Variants in KCNH1 observed in about 807,000 individuals in gnomAD.
The protein encoded by KCNH1 is voltage-gated delayed rectifier potassium channel KCNH1.
In KCNH1, 27 loss-of-function variants were observed where a neutral mutation model predicts 69.2. The ratio of observed to expected loss-of-function variants is 0.39; its 90% CI spans 0.29 to 0.54. KCNH1 has a LOEUF of 0.54. Ranked by LOEUF, KCNH1 falls within the 20% of genes least tolerant of loss-of-function variation. The probability of loss-of-function intolerance (pLI) is 0.68; values close to 1 mark genes in which losing one functional copy is unlikely to be tolerated. For synonymous variants in KCNH1, 456 were observed against 487.7 expected (o/e 0.93, Z 0.86); for missense variants, 798 against 1,261.6 (o/e 0.63, Z 5.57).
chr1:210,840,263 T>C (rs1685376700), intron 7 of KCNH1, among the ~76,000 whole-genome samples: 1 of 152,008 alleles, frequency 6.6e-6, no homozygotes, highest in Non-Finnish European at 1.5e-5. Context: ...TTTTTTAACA[T>C]GCTAGATCTA....
chr1:210,898,731 G>A (rs753248056), intron 7 of KCNH1, among the ~76,000 whole-genome samples: 6 of 151,134 alleles, frequency 4.0e-5, no homozygotes, highest in Non-Finnish European at 5.9e-5. Flanking sequence ...CACAGTAAAT[G>A]ATTCCAGAAT....
At chr1:210,766,461 G>T (rs531221184) in intron 10 of KCNH1, among the ~76,000 whole-genome samples, 1 of 152,170 alleles carries the variant, frequency 6.6e-6, no homozygotes, top group East Asian at 1.9e-4. Flanking sequence ...GGAGGCAGAG[G>T]TTGCGGTAAG....
At chr1:210,942,631 T>A (rs1687894765) in intron 6 of KCNH1, among the ~76,000 whole-genome samples, 1 of 152,004 alleles carries the variant, frequency 6.6e-6, no homozygotes. Flanking sequence ...TCTCTGAAAA[T>A]TTGCAAACAA....
Position 211,038,348 on chromosome 1 carries a change from T to C in KCNH1, c.559-19092A>G, listed in dbSNP as rs906507410. Among the ~76,000 whole-genome samples the C allele has an allele frequency of 5.3e-4, 80 of 152,122 alleles. 1 individual carries two copies. Among genetic ancestry groups the C allele is most frequent in the African/African-American group, 1.9e-3 (79 of 41,434 alleles). On this transcript the variant is annotated intron_variant, in intron 5 of 10. Coordinates refer to ENST00000271751, the MANE Select transcript of KCNH1 (RefSeq NM_172362.3). ...TATGTGGCACTGTAAGTCTAATTAA[T>C]CCTCTTTTTCATCCCAGTCTCAGGT...
At chr1:210,701,882 G>GT (rs1161945083) in intron 10 of KCNH1, among the ~76,000 whole-genome samples, 1 of 151,798 alleles carries the variant, frequency 6.6e-6, no homozygotes, top group African/African-American at 2.4e-5. Flanking sequence ...CTTTTTCTTA[G>GT]TTTTCTCCTC....
At chr1:210,832,907 C>CATATATAT (rs367619819) in intron 7 of KCNH1, among the ~76,000 whole-genome samples, 13,390 of 110,376 alleles carry the variant, frequency 0.12, 874 homozygotes, top group East Asian at 0.25. Flanking sequence ...TTCTCAAATA[C>CATATATAT]ATATATATAT....
At chr1:210,953,778 G>A (rs1020754090) in intron 6 of KCNH1, among the ~76,000 whole-genome samples, 16 of 152,124 alleles carry the variant, frequency 1.1e-4, no homozygotes, top group African/African-American at 3.4e-4. Flanking sequence ...CAGAACCTTC[G>A]ATCTCTTACT....
intron 7 of KCNH1, among the ~76,000 whole-genome samples, chr1:210,888,678 AAG>A (rs1464937130): frequency 6.6e-6 from 1 of 152,174 alleles, no homozygotes; most frequent in Non-Finnish European, 1.5e-5. Flanking sequence ...TAAAGAAGAA[AAG>A]AGAGAAGAAT....
chr1:210,745,255 T>C (rs566313920), intron 10 of KCNH1, among the ~76,000 whole-genome samples: 198 of 133,530 alleles, frequency 1.5e-3, no homozygotes, highest in Non-Finnish European at 2.9e-3. Context: ...AAAAATGCCA[T>C]GAGTAAAAGC....
intron 6 of KCNH1, among the ~76,000 whole-genome samples, chr1:210,933,680 A>T (rs151216786): frequency 0.011 from 1,723 of 152,260 alleles, 38 homozygotes; most frequent in African/African-American, 0.039. Context: ...CAAGTAAATA[A>T]AATCAGAAAT....
chr1:211,082,814 C>T lies in KCNH1; in HGVS notation c.524G>A (p.Gly175Asp). ...LQQLAPSVQK[G>D]ENVHKHSRLA... Reference sequence around the variant, plus strand: ...GCGGGAGTGCTTGTGGACATTCTCGCCTTTTTGCACGCTTGGAGCCAGCTG... The same window carrying T: ...GCGGGAGTGCTTGTGGACATTCTCGTCTTTTTGCACGCTTGGAGCCAGCTG... The change falls in exon 5 of 11, where the codon GGC (glycine) becomes GAC (aspartate). Residue 175 changes from glycine to aspartate, a missense_variant. By Grantham distance (94) the Gly-to-Asp change is moderately conservative (BLOSUM62 -1). Transcript: ENST00000271751. 1 of 1,614,140 alleles carries T rather than the reference C, an allele frequency of 6.2e-7. No individual in the cohort carries two copies. The highest frequency in any genetic ancestry group is 8.5e-7 in the Non-Finnish European group (1 of 1,179,996).
chr1:211,083,214 C>T (rs970484463), intron 4 of KCNH1, among the ~76,000 whole-genome samples: 4 of 152,242 alleles, frequency 2.6e-5, no homozygotes, highest in Non-Finnish European at 2.9e-5. Flanking sequence ...TCTAGAACAT[C>T]TCTTCACTCT....
chr1:210,772,056 GA>G (rs1683762511), intron 10 of KCNH1, among the ~76,000 whole-genome samples: 1 of 152,214 alleles, frequency 6.6e-6, no homozygotes, highest in African/African-American at 2.4e-5. Flanking sequence ...TTAGAATACA[GA>G]GGCTAGAGTA....
At chr1:211,058,134 G>C (rs112263569) in intron 5 of KCNH1, among the ~76,000 whole-genome samples, 2 of 152,098 alleles carry the variant, frequency 1.3e-5, no homozygotes, top group African/African-American at 4.8e-5. Context: ...CAAACATGAA[G>C]AAAAAATAAA....
chr1:210,884,355 T>G (rs11119626), intron 7 of KCNH1, among the ~76,000 whole-genome samples: 36,477 of 152,122 alleles, frequency 0.24, 4,545 homozygotes, highest in African/African-American at 0.32. Flanking sequence ...ACCTGCAGCC[T>G]GTCTGGAGGT....
chr1:210,936,848 C>T (rs1374736434), intron 6 of KCNH1, among the ~76,000 whole-genome samples: 1 of 152,172 alleles, frequency 6.6e-6, no homozygotes, highest in Non-Finnish European at 1.5e-5. Flanking sequence ...ATCTTACACA[C>T]TAGCATTCTA....
At chr1:210,999,373 ATAC>A (rs1412380901) in intron 6 of KCNH1, among the ~76,000 whole-genome samples, 3 of 152,224 alleles carry the variant, frequency 2.0e-5, no homozygotes, top group African/African-American at 7.2e-5. Context: ...CCATCAGAGA[ATAC>A]TATAAACACC....
intron 1 of KCNH1, among the ~76,000 whole-genome samples, chr1:211,127,773 T>A (rs1390842194): frequency 2.0e-5 from 3 of 152,082 alleles, no homozygotes; most frequent in Non-Finnish European, 4.4e-5. Context: ...TGGGAGTGTA[T>A]ATTAATATAA....
At chr1:211,006,737 T>C (rs950164935) in intron 6 of KCNH1, among the ~76,000 whole-genome samples, 16 of 152,160 alleles carry the variant, frequency 1.1e-4, no homozygotes, top group African/African-American at 3.4e-4. Context: ...TGTTTCATTA[T>C]TGTGATAAAA....
Sources: allele counts gnomAD v4.1 joint callset (sites outside exome capture counted in the v4.1 genomes callset), GRCh38; gene constraint gnomAD v4.1.1; transcripts MANE v1.5; gene names NCBI Gene and HGNC (gene_info 2026-07-23, HGNC 2026-07-21).